The following KREMEN1 variants were observed in gnomAD, a reference collection of about 807,000 sequenced individuals.
KREMEN1 encodes the protein kringle containing transmembrane protein 1.
KREMEN1 carries 30 observed loss-of-function variants against 46.5 expected under a neutral mutation model. That is an observed-to-expected ratio of 0.65 (90% CI 0.48 to 0.88). KREMEN1 has a LOEUF of 0.88. Among genes scored for constraint, KREMEN1 ranks in the 40% least tolerant of loss-of-function variants. KREMEN1 has a pLI of 0.00. For synonymous variants in KREMEN1, 214 were observed against 230.6 expected, an observed-to-expected ratio of 0.93 and a Z score of 0.65; for missense variants, 533 against 596.9, an observed-to-expected ratio of 0.89 and a Z score of 1.11.
At chr22:29,149,441 G>A (rs1354738188), downstream of KREMEN1, among the ~76,000 whole-genome samples, 6 of 152,150 alleles carry the variant, frequency 3.9e-5, no homozygotes, top group Admixed American at 1.3e-4. Context: ...TATTACAGGC[G>A]TGAGCCACCG....
rs907171533 is a variant in KREMEN1, at chr22:29,073,079, G to C, written c.-52G>C. 2 of 529,760 alleles carry C rather than the reference G, an allele frequency of 3.8e-6. No individual in the cohort carries two copies. Among genetic ancestry groups the C allele is most frequent in the Non-Finnish European group, 4.8e-6 (2 of 414,070 alleles). The allele number at this position is 529,760 out of a possible 1,614,324, so 32.8% of individuals were successfully genotyped here. A position where few individuals can be genotyped will look rare whatever the true frequency, so the allele number is the denominator to read the frequency against. The stretch of plus-strand genomic sequence containing the variant: ...CTCCCATGGCCGCCCCCGGCTCCCC[G>C]CGCTGCCCCCTTTACCCCGGGCCGC... On this transcript the variant is annotated 5_prime_UTR_variant, in exon 1 of 9. Transcript: ENST00000400335. This position sits in a 1 kb window ranked among gnomAD's most constrained non-coding sequence, Gnocchi z 4.4.
chr22:29,096,906 C>T (rs953029108), intron 2 of KREMEN1, among the ~76,000 whole-genome samples: 1 of 152,194 alleles, frequency 6.6e-6, no homozygotes, highest in African/African-American at 2.4e-5. Flanking sequence ...CCATGTTTGT[C>T]TTGTGTGACT....
chr22:29,120,084 T>TGGAGGAAGGAGAGGTGATGAAGGAAACAG (rs2038311762), intron 3 of KREMEN1, among the ~76,000 whole-genome samples: 1 of 17,156 alleles, frequency 5.8e-5, no homozygotes, highest in African/African-American at 3.2e-4. Context: ...ATGAAGGAAA[T>TGGAGGAAGGAGAGGTGATGAAGGAAACAG]GGAGGAGGGA....
Position 29,115,288 on chromosome 22 carries a change from A to C in KREMEN1, c.353-6069A>C, listed in dbSNP as rs559762305. 2.0e-5 allele frequency among the ~76,000 whole-genome samples: 3 copies of C among 152,334 alleles called. No individual in the cohort carries two copies. In the East Asian group the frequency reaches 5.8e-4, roughly 29 times the overall value. ...TGGACTTTGAGGACTCAGGGGGAAA[A>C]GGTGGGAACGGGGTGAGGGATAAAA... On this transcript the variant is annotated intron_variant, in intron 3 of 8. Coordinates refer to ENST00000400335, the MANE Select transcript of KREMEN1 (RefSeq NM_001039570.3).
At chr22:29,084,349 C>T (rs989013558) in intron 1 of KREMEN1, among the ~76,000 whole-genome samples, 1 of 152,008 alleles carries the variant, frequency 6.6e-6, no homozygotes, top group Non-Finnish European at 1.5e-5. Flanking sequence ...CCCAGCAGGT[C>T]CCAGCCTCAT....
chr22:29,086,910 C>A (rs1240671507), intron 1 of KREMEN1, among the ~76,000 whole-genome samples: 3 of 152,020 alleles, frequency 2.0e-5, no homozygotes, highest in African/African-American at 7.3e-5. Flanking sequence ...CCACACCCAG[C>A]AAATTTTTAA....
At chr22:29,112,864 CA>C (rs1452726115) in intron 3 of KREMEN1, among the ~76,000 whole-genome samples, 1 of 152,194 alleles carries the variant, frequency 6.6e-6, no homozygotes, top group African/African-American at 2.4e-5. Context: ...TCTAGAAATC[CA>C]CTCAGTTGAG....
At chr22:29,161,218 T>C (rs749406800) in intron 9 of KREMEN1, among the ~76,000 whole-genome samples, 1 of 152,096 alleles carries the variant, frequency 6.6e-6, no homozygotes, top group Non-Finnish European at 1.5e-5. Flanking sequence ...AGAAATTGAA[T>C]CAGCACTGGC....
chr22:29,102,263 A>G (rs565840162), intron 3 of KREMEN1, among the ~76,000 whole-genome samples: 3 of 152,302 alleles, frequency 2.0e-5, no homozygotes, highest in African/African-American at 7.2e-5. Flanking sequence ...CTGCAGACCT[A>G]GTACTCACCT....
At chr22:29,166,165 C>T (rs2039051384) in intron 9 of KREMEN1, among the ~76,000 whole-genome samples, 1 of 152,170 alleles carries the variant, frequency 6.6e-6, no homozygotes, top group African/African-American at 2.4e-5. Context: ...CACATGCACA[C>T]ACATCCATAC....
intron 4 of KREMEN1, among the ~76,000 whole-genome samples, chr22:29,123,354 A>G (rs532339250): frequency 6.6e-6 from 1 of 152,186 alleles, no homozygotes; most frequent in South Asian, 2.1e-4. Context: ...ATTAAAAAAA[A>G]AAAAAGCCAA....
chr22:29,126,294 TG>T (rs1445809887), intron 5 of KREMEN1, among the ~76,000 whole-genome samples: 2 of 152,192 alleles, frequency 1.3e-5, no homozygotes, highest in Non-Finnish European at 2.9e-5. Flanking sequence ...TATCACCAAC[TG>T]GGTGGCTTAA....
intron 5 of KREMEN1, among the ~76,000 whole-genome samples, chr22:29,132,207 T>TGTATCA (rs975983239): frequency 5.3e-5 from 8 of 152,280 alleles, no homozygotes; most frequent in Admixed American, 3.9e-4. Flanking sequence ...TGTTGTTGCC[T>TGTATCA]GTATCAGTAG....
In KREMEN1 at chr22:29,073,216, GC is replaced by G. The variant is rs1330442401; in HGVS notation, c.90del (p.Gly31AspfsTer41). On this transcript the variant is annotated frameshift_variant, in exon 1 of 9. Transcript: ENST00000400335. LOFTEE classifies it high-confidence loss of function. This position sits in a 1 kb window ranked among gnomAD's most constrained non-coding sequence, Gnocchi z 4.4. The part of the protein sequence containing the change: ...AARPAPSPGL[G>X]PGPECFTANG... ...CGGCCCGCGCCTAGCCCCGGCCTCG[GC>G]CCCGGACCCGGTGAGTGTGAGCGAC... is the stretch of plus-strand genomic sequence containing the variant. The G allele has an allele frequency of 8.5e-7, 1 of 1,177,320 alleles. No individual in the cohort carries two copies. Among genetic ancestry groups the G allele is most frequent in the Non-Finnish European group, 1.0e-6 (1 of 953,202 alleles). The allele number at this position is 1,177,320 out of a possible 1,614,324, so 72.9% of individuals were successfully genotyped here.
At chr22:29,122,780 A>T (rs901382093) in intron 4 of KREMEN1, among the ~76,000 whole-genome samples, 7 of 152,100 alleles carry the variant, frequency 4.6e-5, no homozygotes, top group African/African-American at 1.7e-4. Context: ...TGTACTAAAA[A>T]TACAAAAATT....
intron 5 of KREMEN1, among the ~76,000 whole-genome samples, chr22:29,136,114 G>T (rs2038652338): frequency 6.6e-6 from 1 of 151,888 alleles, no homozygotes; most frequent in South Asian, 2.1e-4. Context: ...TAGAGACGGG[G>T]TTTCACCATA....
At chr22:29,138,951 A>T (rs886293817) in intron 7 of KREMEN1, 169 bp downstream of exon 7, 3 of 978,242 alleles carry the variant, frequency 3.1e-6, no homozygotes, top group Middle Eastern at 2.4e-4. Flanking sequence ...AAATTTTCTT[A>T]TTAGCTTGGT....
chr22:29,152,649 A>G (rs1242117935), intron 9 of KREMEN1, among the ~76,000 whole-genome samples: 1 of 150,336 alleles, frequency 6.7e-6, no homozygotes, highest in Non-Finnish European at 1.5e-5. Flanking sequence ...TCTCCCCCCA[A>G]CCCCTCCTGC....
intron 3 of KREMEN1, among the ~76,000 whole-genome samples, chr22:29,117,780 G>A (rs892141362): frequency 6.6e-6 from 1 of 152,154 alleles, no homozygotes; most frequent in Admixed American, 6.5e-5. Context: ...AACATAGATG[G>A]AAAACTAAGG....
Sources: gnomAD v4.1 joint callset for allele counts (sites outside exome capture counted in the v4.1 genomes callset) on GRCh38, gnomAD v4.1.1 for gene constraint, Gnocchi (gnomAD v3.1) non-coding constraint, MANE v1.5 for transcripts, NCBI Gene and HGNC (gene_info 2026-07-23, HGNC 2026-07-21) for gene names.